Variants in FHOD3 observed in about 807,000 individuals in gnomAD.
The protein encoded by FHOD3 is formin homology 2 domain containing 3, also known as FH1/FH2 domain-containing protein 3.
In FHOD3, 90 loss-of-function variants were observed where a neutral mutation model predicts 173.0. The ratio of observed to expected loss-of-function variants is 0.52; its 90% confidence interval spans 0.44 to 0.62. The LOEUF is 0.62. Among genes scored for constraint, FHOD3 ranks in the 20% least tolerant of loss-of-function variants. The probability of loss-of-function intolerance (pLI) is 0.00; values close to 1 mark genes in which losing one functional copy is unlikely to be tolerated. For synonymous variants in FHOD3, 828 were observed against 823.0 expected (o/e 1.01, Z -0.10); for missense variants, 1,945 against 2,034.7 (o/e 0.96, Z 0.85).
At chr18:36,526,872 CGTG>C (rs2056542103) in intron 5 of FHOD3, among the ~76,000 whole-genome samples, 1 of 152,190 alleles carries the variant, frequency 6.6e-6, no homozygotes, top group Non-Finnish European at 1.5e-5. Context: ...AGATATGTAA[CGTG>C]GTGACTTTGT....
At chr18:36,537,332 G>A (rs926533414) in intron 5 of FHOD3, among the ~76,000 whole-genome samples, 3 of 152,132 alleles carry the variant, frequency 2.0e-5, no homozygotes, top group African/African-American at 4.8e-5. Flanking sequence ...GTTATTCTGG[G>A]ATTTTCTACT....
At chr18:36,555,391 A>C (rs2057835646) in intron 5 of FHOD3, among the ~76,000 whole-genome samples, 2 of 151,842 alleles carry the variant, frequency 1.3e-5, no homozygotes, top group South Asian at 2.1e-4. Flanking sequence ...TGTGGTAAAA[A>C]AAAAAACAAA....
intron 3 of FHOD3, among the ~76,000 whole-genome samples, chr18:36,414,537 C>T (rs1310414332): frequency 6.6e-6 from 1 of 152,210 alleles, no homozygotes; most frequent in Non-Finnish European, 1.5e-5. Flanking sequence ...CCTGTCTTAC[C>T]TGAAGGCTCC....
At chr18:36,309,105 C>T (rs1383735750) in intron 1 of FHOD3, among the ~76,000 whole-genome samples, 3 of 151,196 alleles carry the variant, frequency 2.0e-5, no homozygotes, top group South Asian at 2.1e-4. Context: ...TGGGGGCTCT[C>T]GTGGGTGGGG....
chr18:36,768,369 C>T (rs1173234717), intron 27 of FHOD3, among the ~76,000 whole-genome samples: 1 of 152,232 alleles, frequency 6.6e-6, no homozygotes, highest in Non-Finnish European at 1.5e-5. Flanking sequence ...TACCTACATG[C>T]AGATTTTTTC....
chr18:36,324,212 G>C (rs1292471858), intron 1 of FHOD3, among the ~76,000 whole-genome samples: 20 of 152,208 alleles, frequency 1.3e-4, no homozygotes, highest in Non-Finnish European at 2.9e-4. Context: ...TTATGTTGCA[G>C]TATGTACAAA....
intron 3 of FHOD3, among the ~76,000 whole-genome samples, chr18:36,391,514 A>G (rs1306328868): frequency 1.3e-5 from 2 of 152,144 alleles, no homozygotes; most frequent in East Asian, 3.9e-4. Flanking sequence ...GAGCTCAGGA[A>G]ATTCAAGGCC....
intron 5 of FHOD3, among the ~76,000 whole-genome samples, chr18:36,523,384 T>C (rs547662536): frequency 6.6e-5 from 10 of 152,034 alleles, no homozygotes; most frequent in African/African-American, 2.4e-4. Flanking sequence ...AAGAACAGAG[T>C]TGGAAAATTA....
chr18:36,541,016 C>T (rs903936274), intron 5 of FHOD3, among the ~76,000 whole-genome samples: 3 of 151,464 alleles, frequency 2.0e-5, no homozygotes, highest in Non-Finnish European at 2.9e-5. Flanking sequence ...TTTAGGAGGC[C>T]GAGGCAGGCG....
chr18:36,367,605 C>G (rs2046962013), intron 2 of FHOD3, among the ~76,000 whole-genome samples: 1 of 152,150 alleles, frequency 6.6e-6, no homozygotes, highest in Non-Finnish European at 1.5e-5. Flanking sequence ...AAGGTGCTTA[C>G]AGTAAATACA....
At chr18:36,374,467 CTAAT>C (rs557598129) in intron 3 of FHOD3, among the ~76,000 whole-genome samples, 20 of 152,200 alleles carry the variant, frequency 1.3e-4, no homozygotes, top group Non-Finnish European at 2.5e-4. Context: ...ATTTCATAAA[CTAAT>C]TAAATATGAC....
intron 5 of FHOD3, among the ~76,000 whole-genome samples, chr18:36,557,511 A>G (rs184645628): frequency 2.0e-5 from 3 of 152,200 alleles, no homozygotes; most frequent in East Asian, 1.9e-4. Flanking sequence ...ACTATCTTTC[A>G]TGTACTACTT....
chr18:36,603,485 A>AAATAAT (rs965274578), intron 8 of FHOD3, among the ~76,000 whole-genome samples: 1 of 150,900 alleles, frequency 6.6e-6, no homozygotes, highest in South Asian at 2.1e-4. Context: ...TGGCCCCTTA[A>AAATAAT]AATAATAATA....
chr18:36,627,670 T>C (rs192629227), intron 10 of FHOD3, among the ~76,000 whole-genome samples: 1 of 152,362 alleles, frequency 6.6e-6, no homozygotes, highest in East Asian at 1.9e-4. Flanking sequence ...TTGATGATTA[T>C]GAAGTGACTT....
intron 1 of FHOD3, among the ~76,000 whole-genome samples, chr18:36,337,971 C>G (rs570017426): frequency 6.6e-6 from 1 of 152,264 alleles, no homozygotes; most frequent in East Asian, 1.9e-4. Flanking sequence ...CAGCCCTCAA[C>G]AAGTAGAGGT....
chr18:36,503,606 A>G (rs2055148611), intron 4 of FHOD3, among the ~76,000 whole-genome samples: 1 of 152,112 alleles, frequency 6.6e-6, no homozygotes, highest in Admixed American at 6.5e-5. Context: ...CACACTGCAT[A>G]CCTCGGAAAT....
At chr18:36,526,032 C>T (rs1393714978) in intron 5 of FHOD3, among the ~76,000 whole-genome samples, 1 of 152,230 alleles carries the variant, frequency 6.6e-6, no homozygotes, top group Non-Finnish European at 1.5e-5. Context: ...CAAGCATGGG[C>T]ACTGGGCCAC....
chr18:36,352,863 A>C (rs2145715805), intron 1 of FHOD3, among the ~76,000 whole-genome samples: 1 of 152,350 alleles, frequency 6.6e-6, no homozygotes, highest in East Asian at 1.9e-4. Context: ...CAGCAGTAGA[A>C]ATTAAAGCAA....
intron 9 of FHOD3, among the ~76,000 whole-genome samples, chr18:36,616,119 A>G (rs1394073669): frequency 6.6e-6 from 1 of 152,194 alleles, no homozygotes; most frequent in Non-Finnish European, 1.5e-5. Context: ...AGAATAAAGT[A>G]AGCATACTAA....
Sources: gnomAD v4.1 joint callset for allele counts (sites outside exome capture counted in the v4.1 genomes callset) on GRCh38, gnomAD v4.1.1 for gene constraint, MANE v1.5 for transcripts, NCBI Gene and HGNC (gene_info 2026-07-23, HGNC 2026-07-21) for gene names.